SLC35A1: variants seen among roughly 807,000 people sequenced by gnomAD.
SLC35A1 encodes the protein solute carrier family 35 member A1.
A neutral mutation model predicts 40.3 loss-of-function variants in SLC35A1; 21 were observed. That is an observed-to-expected ratio of 0.52 (90% CI 0.37 to 0.75). The LOEUF is 0.75. SLC35A1 is among the 30% of genes least tolerant of loss of function. SLC35A1 has a pLI of 0.00. For synonymous variants in SLC35A1, 146 were observed against 147.3 expected (o/e 0.99, Z 0.06); for missense variants, 297 against 382.1 (o/e 0.78, Z 1.86).
Position 87,493,317 on chromosome 6 carries a change from C to G in SLC35A1, c.195-7191C>G, listed in dbSNP as rs555548768. On this transcript the variant is annotated intron_variant, in intron 2 of 7. Coordinates refer to ENST00000369552, the MANE Select transcript of SLC35A1 (RefSeq NM_006416.5). The stretch of plus-strand genomic sequence containing the variant: ...ACATTTCTTCAAGGATCCTTTATTC[C>G]TTTTTTTTCCAGAATGGTATTTGGA... Among the ~76,000 whole-genome samples, 12 of 151,994 alleles carry G rather than the reference C, an allele frequency of 7.9e-5. No individual in the cohort carries two copies. In the East Asian group the frequency reaches 2.3e-3, roughly 29 times the overall value.
At chr6:87,485,399 G>A (rs1361913124) in intron 2 of SLC35A1, among the ~76,000 whole-genome samples, 1 of 152,118 alleles carries the variant, frequency 6.6e-6, no homozygotes, top group Non-Finnish European at 1.5e-5. Flanking sequence ...GGGAGGCTGT[G>A]GAAGAATTAT....
At chr6:87,496,792 A>AAACC (rs1331616098) in intron 2 of SLC35A1, among the ~76,000 whole-genome samples, 1 of 58,658 alleles carries the variant, frequency 1.7e-5, no homozygotes, top group African/African-American at 7.3e-5. Flanking sequence ...AAAAAAAAAA[A>AAACC]AAGAAAAACC....
intron 2 of SLC35A1, among the ~76,000 whole-genome samples, chr6:87,487,472 A>G (rs765673968): frequency 7.9e-5 from 12 of 152,158 alleles, no homozygotes; most frequent in Non-Finnish European, 1.5e-4. Context: ...CAATTAATCA[A>G]TACAATAACC....
Position 87,473,024 on chromosome 6 carries a change from G to A in SLC35A1, c.16+5G>A. On this transcript the variant is annotated splice_donor_5th_base_variant and intron_variant, in intron 1 of 7. Coordinates refer to ENST00000369552, the MANE Select transcript of SLC35A1 (RefSeq NM_006416.5). ...GAACCATGGCTGCCCCGAGAGGTGA[G>A]AACTGGGTCTGCTGGGAGTGGGGAG... 1.5e-6 allele frequency: 1 copy of A among 654,358 alleles called. No individual in the cohort carries two copies. Among genetic ancestry groups the A allele is most frequent in the Non-Finnish European group, 2.3e-6 (1 of 425,664 alleles). The allele number at this position is 654,358 out of a possible 1,614,324, so 40.5% of individuals were successfully genotyped here.
Position 87,481,282 on chromosome 6 carries a change from T to A in SLC35A1, c.194+3743T>A, listed in dbSNP as rs551945175. ...AAAATACAAAATTAGCCAGGCTTGG[T>A]GGCACATGCCTGTAATCCCAGCTAC... On this transcript the variant is annotated intron_variant, in intron 2 of 7. Transcript: ENST00000369552. 5.7e-4 allele frequency among the ~76,000 whole-genome samples: 86 copies of A among 152,208 alleles called. 1 individual carries two copies. Among genetic ancestry groups the A allele is most frequent in the African/African-American group, 2.0e-3 (84 of 41,520 alleles).
At chr6:87,499,166 G>C (rs1321201178) in intron 2 of SLC35A1, 2 of 960,492 alleles carry the variant, frequency 2.1e-6, no homozygotes, top group Admixed American at 6.2e-5. Flanking sequence ...AATAGGCACA[G>C]GTTAGTCAAT....
intron 2 of SLC35A1, among the ~76,000 whole-genome samples, chr6:87,496,956 CTT>C (rs1562023519): frequency 3.3e-5 from 5 of 151,980 alleles, no homozygotes; most frequent in South Asian, 2.1e-4. Context: ...ATATATTGCT[CTT>C]GTTACTTTTA....
chr6:87,498,910 T>G (rs929055800), intron 2 of SLC35A1, among the ~76,000 whole-genome samples: 7 of 152,232 alleles, frequency 4.6e-5, no homozygotes, highest in African/African-American at 1.7e-4. Flanking sequence ...CTACATAGAT[T>G]TTTTGGTGGA....
chr6:87,477,590 G>GAAAAT lies in SLC35A1; in HGVS notation c.194+51_194+52insAAAAT, dbSNP rs763627273. The GAAAAT allele has an allele frequency of 2.1e-6, 3 of 1,428,712 alleles. No homozygotes were observed. In the South Asian group the frequency reaches 3.5e-5, roughly 17 times the overall value. 88.5% of individuals were successfully genotyped at this position (1,428,712 alleles called of 1,614,324 possible). A position where few individuals can be genotyped will look rare whatever the true frequency, so the allele number is the denominator to read the frequency against. On this transcript the variant is annotated intron_variant, in intron 2 of 7. Transcript: ENST00000369552. ...TAAATTATTTTTCTACCTGGTGAGGGTATTTGTTAGAAAATTCAAGCTACA... is the reference window on the plus strand; with the variant it reads ...TAAATTATTTTTCTACCTGGTGAGGGAAAATTATTTGTTAGAAAATTCAAGCTACA...
chr6:87,504,453 T>C (rs1484789569), intron 4 of SLC35A1, among the ~76,000 whole-genome samples: 1 of 152,208 alleles, frequency 6.6e-6, no homozygotes, highest in Non-Finnish European at 1.5e-5. Context: ...TATTTAGATA[T>C]GTTGATTTCC....
Position 87,511,451 on chromosome 6 carries a change from T to C in SLC35A1, c.939T>C (p.Tyr313=). The C allele has an allele frequency of 5.0e-6, 8 of 1,613,710 alleles. No homozygotes were observed. The highest frequency in any genetic ancestry group is 6.8e-6 in the Non-Finnish European group (8 of 1,179,666). The change falls in exon 8 of 8, where the codon TAT becomes TAC. Residue 313 remains tyrosine, a synonymous_variant. Coordinates refer to ENST00000369552, the MANE Select transcript of SLC35A1 (RefSeq NM_006416.5). ...TLLVCVSIYL[Y]GLPRQDTTSI... is the part of the protein sequence containing the mutation. ...TTGTATGTGTTTCCATATATCTCTA[T>C]GGATTACCCAGACAAGACACTACAT... is the stretch of plus-strand genomic sequence containing the variant.
Position 87,478,320 on chromosome 6 carries a change from GTTTGTTCATT to G in SLC35A1, c.194+785_194+794del, listed in dbSNP as rs533471263. On this transcript the variant is annotated intron_variant, in intron 2 of 7. Coordinates refer to ENST00000369552, the MANE Select transcript of SLC35A1 (RefSeq NM_006416.5). ...ACACTTGTAACCTCTTTAAGCTTCA[GTTTGTTCATT>G]TTTTTAATTTGAGAAAATAATATGG... Among the ~76,000 whole-genome samples, 42 of 152,282 alleles carry G rather than the reference GTTTGTTCATT, an allele frequency of 2.8e-4. 1 individual carries two copies. The South Asian group carries it at 4.6e-3, about 17-fold the overall frequency.
At chr6:87,509,470 A>G (rs950235783) in intron 7 of SLC35A1, among the ~76,000 whole-genome samples, 9 of 152,188 alleles carry the variant, frequency 5.9e-5, no homozygotes, top group Admixed American at 2.0e-4. Flanking sequence ...TATTGTATAT[A>G]GGACAACTTG....
At chr6:87,483,512 T>G (rs866954895) in intron 2 of SLC35A1, among the ~76,000 whole-genome samples, 1 of 152,078 alleles carries the variant, frequency 6.6e-6, no homozygotes, top group Non-Finnish European at 1.5e-5. Flanking sequence ...GTTCAACCCC[T>G]CGTAATGGGG....
At chr6:87,510,128 T>C (rs1171653335) in intron 7 of SLC35A1, among the ~76,000 whole-genome samples, 1 of 152,210 alleles carries the variant, frequency 6.6e-6, no homozygotes, top group African/African-American at 2.4e-5. Context: ...ATCTGTAAAA[T>C]GGGAATAATA....
chr6:87,477,238 C>T, intron 1 of SLC35A1, 124 bp from the exon 2 acceptor site: 1 of 889,306 alleles, frequency 1.1e-6, no homozygotes, highest in Non-Finnish European at 1.7e-6. Context: ...AATTTTTAAG[C>T]ATGAGTTTTA....
Position 87,501,172 on chromosome 6 carries a change from G to A in SLC35A1, c.369G>A (p.Leu123=). 1.9e-6 allele frequency: 3 copies of A among 1,613,624 alleles called. No individual in the cohort carries two copies. Among genetic ancestry groups the A allele is most frequent in the Non-Finnish European group, 2.5e-6 (3 of 1,179,650 alleles). The stretch of plus-strand genomic sequence containing the variant: ...CTTTTTTTTAGGTGACCTACCAGTT[G>A]AAGATTCCGTGTACTGCTTTATGCA... ...DAAVYQVTYQ[L]KIPCTALCTV... is the part of the protein sequence containing the mutation. The change falls in exon 4 of 8, where the codon TTG becomes TTA. Residue 123 remains leucine, a synonymous_variant. Transcript: ENST00000369552.
chr6:87,487,659 C>T lies in SLC35A1; in HGVS notation c.194+10120C>T, dbSNP rs547971360. Among the ~76,000 whole-genome samples the T allele has an allele frequency of 1.2e-4, 18 of 152,272 alleles. No individual in the cohort carries two copies. In the South Asian group the frequency reaches 2.1e-3, roughly 18 times the overall value. On this transcript the variant is annotated intron_variant, in intron 2 of 7. Transcript: ENST00000369552. Reference sequence around the variant, plus strand: ...TTATACTTAGGAACATCAGACAGTGCGTCAGCCCTACAATGCTTGGGAGCC... The same window carrying T: ...TTATACTTAGGAACATCAGACAGTGTGTCAGCCCTACAATGCTTGGGAGCC...
At chr6:87,480,265 T>C (rs984405527) in intron 2 of SLC35A1, among the ~76,000 whole-genome samples, 1 of 152,162 alleles carries the variant, frequency 6.6e-6, no homozygotes, top group Non-Finnish European at 1.5e-5. Context: ...CTTCAGGAAA[T>C]AGCAGAGAAA....
Sources: allele counts gnomAD v4.1 joint callset (sites outside exome capture counted in the v4.1 genomes callset), GRCh38; gene constraint gnomAD v4.1.1; transcripts MANE v1.5; gene names NCBI Gene and HGNC (gene_info 2026-07-23, HGNC 2026-07-21).